RGL4: variants seen among roughly 807,000 people sequenced by gnomAD.
RGL4 encodes the protein ral-GDS-related protein.
RGL4 carries 41 observed loss-of-function variants against 49.6 expected under a neutral mutation model. The ratio of observed to expected loss-of-function variants is 0.83; its 90% CI spans 0.64 to 1.07. The LOEUF (loss-of-function observed/expected upper bound fraction) is 1.07. Among genes scored for constraint, RGL4 ranks in the 50% least tolerant of loss-of-function variants. The probability of loss-of-function intolerance (pLI) is 0.00; values close to 1 mark genes in which losing one functional copy is unlikely to be tolerated. For synonymous variants in RGL4, 255 were observed against 238.0 expected, an observed-to-expected ratio of 1.07 and a Z score of -0.66; for missense variants, 610 against 591.9, an observed-to-expected ratio of 1.03 and a Z score of -0.32.
chr22:23,694,289 A>G, intron 4 of RGL4, 58 bp from the exon 5 acceptor site: 1 of 1,307,804 alleles, frequency 7.6e-7, no homozygotes, highest in Non-Finnish European at 1.1e-6. Context: ...GAGGGGGCTG[A>G]GGCTGTAGTG....
rs1569120501 is a variant in RGL4 at position 23,696,651 on chromosome 22, C to T, written c.1124C>T (p.Pro375Leu). The T allele has an allele frequency of 1.2e-6, 2 of 1,613,708 alleles. No individual in the cohort carries two copies. The highest frequency in any genetic ancestry group is 4.5e-5 in the East Asian group (2 of 44,864). The stretch of plus-strand genomic sequence containing the variant: ...AAGGTGGCCACCCAGGAGAGGAACC[C>T]CCAGAGAGTCCAGATGAGGCTGCGG... ...SFKVATQERN[P>L]QRVQMRLRRQ... The change falls in exon 7 of 11, where the codon CCC (proline) becomes CTC (leucine). Residue 375 changes from proline to leucine, a missense_variant. By Grantham distance (98) the Pro-to-Leu change is moderately conservative. Transcript: ENST00000290691.
In RGL4 at chr22:23,692,773, G is replaced by C. The variant is rs373254169; in HGVS notation, c.478G>C (p.Ala160Pro). 2 of 1,613,384 alleles carry C rather than the reference G, an allele frequency of 1.2e-6. No individual in the cohort carries two copies. The highest frequency in any genetic ancestry group is 1.7e-6 in the Non-Finnish European group (2 of 1,180,016). The change falls in exon 3 of 11, where the codon GCA becomes CCA. Residue 160 changes from alanine (A) to proline (P), a missense_variant. Ala to Pro is a conservative substitution (Grantham distance 27). Transcript: ENST00000290691. ...GCCTGCTCTGGAGCCAGAGTCACCT[G>C]CAGCCCTGGGTCCACCAGGATATCT... ...LGPALEPESP[A>P]ALGPPGYLHS...
At chr22:23,694,509 C>T (rs1452869707) in intron 5 of RGL4, 59 bp downstream of exon 5, 1 of 1,151,530 alleles carries the variant, frequency 8.7e-7, no homozygotes, top group Non-Finnish European at 1.3e-6. Flanking sequence ...ACAGGTCTCC[C>T]CCCATGTGCC....
intron 1 of RGL4, 61 bp from the exon 2 acceptor site, chr22:23,692,274 C>T: frequency 1.2e-6 from 2 of 1,607,748 alleles, no homozygotes; most frequent in Non-Finnish European, 1.7e-6. Flanking sequence ...CGCAGGGGTG[C>T]CCTGGAGGGT....
Position 23,692,895 on chromosome 22 carries a change from T to TC in RGL4, c.601dup (p.Arg201ProfsTer10). On this transcript the variant is annotated frameshift_variant, in exon 3 of 11. Coordinates refer to ENST00000290691, the MANE Select transcript of RGL4 (RefSeq NM_153615.2). LOFTEE classifies it high-confidence loss of function. ...CAGCCCCAGAGTCCTCCTGTCCCTG[T>TC]CGTGGGTCTGTAAAGAACCAACCCA... is the stretch of plus-strand genomic sequence containing the variant. The TC allele has an allele frequency of 6.2e-7, 1 of 1,613,616 alleles. No individual in the cohort carries two copies. The highest frequency in any genetic ancestry group is 1.7e-4 in the Middle Eastern group (1 of 6,060).
chr22:23,691,899 G>T lies in RGL4; in HGVS notation c.-132G>T. ...CCCTGCAAAGCAGAGGGGAGGCTGGGGTCACAGCTGGCCACTGAGAGACCC... is the reference window on the plus strand; with the variant it reads ...CCCTGCAAAGCAGAGGGGAGGCTGGTGTCACAGCTGGCCACTGAGAGACCC... On this transcript the variant is annotated 5_prime_UTR_variant, in exon 1 of 11. Transcript: ENST00000290691. The T allele has an allele frequency of 1.2e-6, 1 of 857,090 alleles. No individual in the cohort carries two copies. The highest frequency in any genetic ancestry group is 1.8e-6 in the Non-Finnish European group (1 of 555,456). 53.1% of individuals were successfully genotyped at this position (857,090 alleles called of 1,614,324 possible). A position where few individuals can be genotyped will look rare whatever the true frequency, so the allele number is the denominator to read the frequency against.
chr22:23,696,499 G>A, intron 6 of RGL4, 115 bp from the exon 7 acceptor site: 1 of 1,571,638 alleles, frequency 6.4e-7, no homozygotes. Context: ...CCAGTGGTAT[G>A]AGCACGGTGC....
At chr22:23,694,925 C>T (rs779089807) in intron 5 of RGL4, 25 bp from the exon 6 acceptor site, 2 of 1,593,162 alleles carry the variant, frequency 1.3e-6, no homozygotes, top group South Asian at 2.2e-5. Flanking sequence ...CCAAATTTAC[C>T]CTTCTTTCTT....
Position 23,692,186 on chromosome 22 carries a change from C to T in RGL4, c.156C>T (p.Phe52=). 1 of 1,614,094 alleles carries T rather than the reference C, an allele frequency of 6.2e-7. No homozygotes were observed. Among genetic ancestry groups the T allele is most frequent in the Non-Finnish European group, 8.5e-7 (1 of 1,179,950 alleles). ...TGCTGTATGGCCAGGTCTGCCCCTT[C>T]CAGGACAGCACTGATGGCTTACGGT... ...TALLYGQVCP[F]QDSTDGLRTI... Residue 52 remains phenylalanine, a synonymous_variant, in exon 1 of 11, where the codon TTC becomes TTT. Transcript: ENST00000290691.
chr22:23,697,207 T>C lies in RGL4; in HGVS notation c.1198T>C (p.Leu400=), dbSNP rs1457871360. ...VPFLGDFLTE[L]QRLDSAIPDD... is the part of the protein sequence containing the mutation. ...CTTCCTGGGGGATTTTCTGACTGAG[T>C]TACAGAGGCTGGATTCGGCCATCCC... The change falls in exon 8 of 11, where the codon TTA becomes CTA. Residue 400 remains leucine (L), a synonymous_variant. Coordinates refer to ENST00000290691, the MANE Select transcript of RGL4 (RefSeq NM_153615.2). 1 of 1,613,522 alleles carries C rather than the reference T, an allele frequency of 6.2e-7. No homozygotes were observed. The highest frequency in any genetic ancestry group is 8.5e-7 in the Non-Finnish European group (1 of 1,179,668).
intron 6 of RGL4, 25 bp downstream of exon 6, chr22:23,695,044 G>C: frequency 6.5e-7 from 1 of 1,548,648 alleles, no homozygotes. Context: ...GGGAGATGCA[G>C]GACAAGTGTT....
In RGL4 at chr22:23,694,414, T is replaced by A. The variant is rs754601723; in HGVS notation, c.980T>A (p.Ile327Lys). 1 of 1,613,908 alleles carries A rather than the reference T, an allele frequency of 6.2e-7. No homozygotes were observed. The highest frequency in any genetic ancestry group is 1.3e-5 in the African/African-American group (1 of 75,004). Reference sequence around the variant, plus strand: ...GTCTCTGCTCTGTGCAGCAACCCAATAGGTCAGCTACACAAGACGTGGGCA... The same window carrying A: ...GTCTCTGCTCTGTGCAGCAACCCAAAAGGTCAGCTACACAAGACGTGGGCA... The part of the protein sequence containing the change: ...VIVSALCSNP[I>K]GQLHKTWAGV... The change falls in exon 5 of 11, where the codon ATA becomes AAA. Residue 327 changes from isoleucine to lysine, a missense_variant. Coordinates refer to ENST00000290691, the MANE Select transcript of RGL4 (RefSeq NM_153615.2).
At chr22:23,698,172 T>G (rs757101428) in intron 9 of RGL4, 40 bp from the exon 10 acceptor site, 1 of 1,580,732 alleles carries the variant, frequency 6.3e-7, no homozygotes. Context: ...CACAGCAACT[T>G]CCACCCAGGC....
chr22:23,698,265 C>T lies in RGL4; in HGVS notation c.1314C>T (p.Tyr438=), dbSNP rs375563797. 1 of 1,612,306 alleles carries T rather than the reference C, an allele frequency of 6.2e-7. No homozygotes were observed. Among genetic ancestry groups the T allele is most frequent in the Non-Finnish European group, 8.5e-7 (1 of 1,178,460 alleles). ...MQLLQVAAMN[Y]RLRPLEKFVT... is the part of the protein sequence containing the mutation. ...TGCTCCAAGTGGCTGCCATGAATTACAGGCTTCGGCCTCTTGAGAAATTTG... is the reference window on the plus strand; with the variant it reads ...TGCTCCAAGTGGCTGCCATGAATTATAGGCTTCGGCCTCTTGAGAAATTTG... The change falls in exon 10 of 11, where the codon TAC becomes TAT. Residue 438 remains tyrosine, a synonymous_variant. Transcript: ENST00000290691.
chr22:23,691,919 A>G lies in RGL4; in HGVS notation c.-112A>G. 9 of 1,111,974 alleles carry G rather than the reference A, an allele frequency of 8.1e-6. No individual in the cohort carries two copies. The highest frequency in any genetic ancestry group is 1.2e-5 in the Non-Finnish European group (9 of 773,278). 68.9% of individuals were successfully genotyped at this position (1,111,974 alleles called of 1,614,324 possible). A position where few individuals can be genotyped will look rare whatever the true frequency, so the allele number is the denominator to read the frequency against. On this transcript the variant is annotated 5_prime_UTR_variant, in exon 1 of 11. Coordinates refer to ENST00000290691, the MANE Select transcript of RGL4 (RefSeq NM_153615.2). ...GCTGGGGTCACAGCTGGCCACTGAG[A>G]GACCCATCCCCCTCAGCACCGTGGC...
At chr22:23,696,724 A>T (rs1923526134) in intron 7 of RGL4, 36 bp downstream of exon 7, 1 of 1,580,682 alleles carries the variant, frequency 6.3e-7, no homozygotes, top group African/African-American at 1.3e-5. Context: ...GCCGCAGGGG[A>T]TCAGAGGACA....
chr22:23,693,493 T>C (rs114360303), intron 3 of RGL4, among the ~76,000 whole-genome samples: 110 of 152,266 alleles, frequency 7.2e-4, no homozygotes, highest in Middle Eastern at 3.4e-3. Context: ...TTCTAGTTCT[T>C]AGAGTGTGGA....
rs1923484085 is a variant in RGL4, at chr22:23,696,240, T to C, written c.1087-374T>C. 3 of 1,092,552 alleles carry C rather than the reference T, an allele frequency of 2.7e-6. No homozygotes were observed. In the South Asian group the frequency reaches 5.1e-5, roughly 19 times the overall value. The allele number at this position is 1,092,552 out of a possible 1,614,324, so 67.7% of individuals were successfully genotyped here. On this transcript the variant is annotated intron_variant, in intron 6 of 10. Coordinates refer to ENST00000290691, the MANE Select transcript of RGL4 (RefSeq NM_153615.2). Reference sequence around the variant, plus strand: ...CCTCATCTGGAAAATGAAGGGATGCTGAGCCTGTAGTGCAGGCCTCACAGG... The same window carrying C: ...CCTCATCTGGAAAATGAAGGGATGCCGAGCCTGTAGTGCAGGCCTCACAGG...
chr22:23,694,849 C>A, intron 5 of RGL4, 101 bp from the exon 6 acceptor site: 1 of 925,270 alleles, frequency 1.1e-6, no homozygotes, highest in South Asian at 1.4e-5. Flanking sequence ...AACTCTCACC[C>A]AGTAAGCTGG....
Sources: allele counts gnomAD v4.1 joint callset (sites outside exome capture counted in the v4.1 genomes callset), GRCh38; gene constraint gnomAD v4.1.1; transcripts MANE v1.5; gene names NCBI Gene and HGNC (gene_info 2026-07-23, HGNC 2026-07-21).